KCNMA1: variants seen among roughly 807,000 people sequenced by gnomAD.
KCNMA1 encodes the protein potassium calcium-activated channel subfamily M alpha 1.
In KCNMA1, 29 loss-of-function variants were observed where a neutral mutation model predicts 140.0. The observed-to-expected ratio is 0.21, with a 90% confidence interval of 0.15 to 0.28. The LOEUF is 0.28. Among genes scored for constraint, KCNMA1 ranks in the 10% least tolerant of loss-of-function variants. The probability of loss-of-function intolerance (pLI) is 1.00; values close to 1 mark genes in which losing one functional copy is unlikely to be tolerated. For synonymous variants in KCNMA1, 612 were observed against 611.9 expected (o/e 1.00, Z 0.00); for missense variants, 880 against 1,602.2 (o/e 0.55, Z 7.70).
At chr10:76,948,976 G>A in intron 22 of KCNMA1, 166 bp downstream of exon 22, 1 of 725,592 alleles carries the variant, frequency 1.4e-6, no homozygotes, top group Non-Finnish European at 2.5e-6. Context: ...GTCTCCCAGG[G>A]TTTGGATTTT....
chr10:77,111,514 G>A (rs2097323447), intron 7 of KCNMA1, among the ~76,000 whole-genome samples: 1 of 152,184 alleles, frequency 6.6e-6, no homozygotes, highest in Non-Finnish European at 1.5e-5. Flanking sequence ...GGGTGATTAA[G>A]GTTGATTTTG....
In KCNMA1 at chr10:77,123,966, G is replaced by C. The variant is rs75166657; in HGVS notation, c.809-2918C>G. Among the ~76,000 whole-genome samples the C allele has an allele frequency of 8.2e-3, 1,247 of 152,296 alleles. 21 individuals carry two copies. Among genetic ancestry groups the C allele is most frequent in the African/African-American group, 0.029 (1,193 of 41,550 alleles). ...GGACAAAGGGAGGATTCTTGTCCCA[G>C]ATGGAACCAAGCAGGACAGCATGCA... On this transcript the variant is annotated intron_variant, in intron 5 of 27. Coordinates refer to ENST00000286628, the MANE Select transcript of KCNMA1 (RefSeq NM_001161352.2).
At chr10:77,095,923 G>C (rs1447193415) in intron 9 of KCNMA1, among the ~76,000 whole-genome samples, 1 of 152,074 alleles carries the variant, frequency 6.6e-6, no homozygotes, top group African/African-American at 2.4e-5. Flanking sequence ...TGACTTTTAG[G>C]TCTATGACAA....
intron 5 of KCNMA1, among the ~76,000 whole-genome samples, chr10:77,133,772 A>G (rs1265455783): frequency 6.6e-6 from 1 of 152,156 alleles, no homozygotes; most frequent in African/African-American, 2.4e-5. Context: ...AAAGACACAC[A>G]CATATATTAG....
chr10:77,059,853 C>T (rs2095672249), intron 14 of KCNMA1, among the ~76,000 whole-genome samples: 1 of 152,108 alleles, frequency 6.6e-6, no homozygotes, highest in Non-Finnish European at 1.5e-5. Flanking sequence ...GCAAGAAGTG[C>T]TAGCCGGTAC....
intron 2 of KCNMA1, among the ~76,000 whole-genome samples, chr10:77,362,804 G>A (rs550136994): frequency 2.6e-5 from 4 of 152,254 alleles, no homozygotes; most frequent in East Asian, 1.9e-4. Flanking sequence ...ATCTCTTCAC[G>A]GACCGCTTGC....
At chr10:77,305,900 G>A (rs556305959) in intron 2 of KCNMA1, among the ~76,000 whole-genome samples, 1 of 152,214 alleles carries the variant, frequency 6.6e-6, no homozygotes, top group Non-Finnish European at 1.5e-5. Flanking sequence ...TGACATCATG[G>A]GGATTCATAT....
intron 23 of KCNMA1, among the ~76,000 whole-genome samples, chr10:76,921,928 T>C (rs1247794314): frequency 2.0e-5 from 3 of 152,098 alleles, no homozygotes; most frequent in African/African-American, 2.4e-5. Flanking sequence ...CTGACCATGT[T>C]TACTCAATAA....
At chr10:77,148,697 A>G (rs1473623974) in intron 5 of KCNMA1, among the ~76,000 whole-genome samples, 1 of 152,200 alleles carries the variant, frequency 6.6e-6, no homozygotes, top group Non-Finnish European at 1.5e-5. Context: ...CACAATCTCT[A>G]TTGCAAGTGC....
At chr10:77,215,885 T>TCTCTCTC (rs536760736) in intron 3 of KCNMA1, among the ~76,000 whole-genome samples, 10 of 149,434 alleles carry the variant, frequency 6.7e-5, no homozygotes, top group East Asian at 4.0e-4. Context: ...CCTGTCTCTC[T>TCTCTCTC]CTCTCTCCTC....
Position 76,910,050 on chromosome 10 carries a change from G to A in KCNMA1, c.3063C>T (p.Asp1021=). 6.2e-7 allele frequency: 1 copy of A among 1,614,008 alleles called. No individual in the cohort carries two copies. The highest frequency in any genetic ancestry group is 8.5e-7 in the Non-Finnish European group (1 of 1,179,934). The change falls in exon 25 of 28, where the codon GAC becomes GAT. Residue 1021 remains aspartate, a synonymous_variant. Transcript: ENST00000286628. The part of the protein sequence containing the change: ...VQFLDQDDDD[D]PDTELYLTQP... The stretch of plus-strand genomic sequence containing the variant: ...GCGTGAGGTACAGTTCTGTATCAGG[G>A]TCATCATCATCGTCTTGGTCCAAAA...
At chr10:77,016,374 G>A (rs1282349867) in intron 17 of KCNMA1, among the ~76,000 whole-genome samples, 1 of 152,058 alleles carries the variant, frequency 6.6e-6, no homozygotes, top group East Asian at 1.9e-4. Context: ...CGAGAGTTGG[G>A]ACTTCTCCCC....
At chr10:76,963,492 C>G (rs2072552034) in intron 20 of KCNMA1, among the ~76,000 whole-genome samples, 1 of 152,106 alleles carries the variant, frequency 6.6e-6, no homozygotes, top group Non-Finnish European at 1.5e-5. Context: ...TAGCAATTGT[C>G]AACAACACAC....
intron 5 of KCNMA1, among the ~76,000 whole-genome samples, chr10:77,121,687 A>G (rs995830578): frequency 1.3e-5 from 2 of 152,230 alleles, no homozygotes; most frequent in Non-Finnish European, 2.9e-5. Flanking sequence ...TTTCTAAATC[A>G]ACAACCTCTC....
intron 14 of KCNMA1, among the ~76,000 whole-genome samples, chr10:77,050,402 T>C (rs1440223891): frequency 2.0e-5 from 3 of 151,534 alleles, no homozygotes; most frequent in Non-Finnish European, 4.4e-5. Flanking sequence ...AACTAGAGAG[T>C]TGCCTGTGCC....
chr10:77,378,940 T>C (rs1459685916), intron 2 of KCNMA1, among the ~76,000 whole-genome samples: 3 of 152,194 alleles, frequency 2.0e-5, no homozygotes, highest in African/African-American at 4.8e-5. Context: ...CAAATTAAAA[T>C]CCTCATTCCA....
At chr10:77,253,775 G>A (rs892767037) in intron 2 of KCNMA1, among the ~76,000 whole-genome samples, 3 of 152,192 alleles carry the variant, frequency 2.0e-5, no homozygotes, top group Non-Finnish European at 4.4e-5. Context: ...ACTGCCCCAT[G>A]ATGTACGATG....
chr10:77,214,304 T>C (rs2047027871), intron 3 of KCNMA1, among the ~76,000 whole-genome samples: 1 of 152,176 alleles, frequency 6.6e-6, no homozygotes, highest in Non-Finnish European at 1.5e-5. Context: ...TCAGGCTCAG[T>C]GGATGGCCTC....
intron 1 of KCNMA1, among the ~76,000 whole-genome samples, chr10:77,543,863 C>A (rs2060770126): frequency 6.6e-6 from 1 of 152,032 alleles, no homozygotes; most frequent in Non-Finnish European, 1.5e-5. Context: ...ATTTTTTCAT[C>A]ATTTATAACA....
Sources: gnomAD v4.1 joint callset for allele counts (sites outside exome capture counted in the v4.1 genomes callset) on GRCh38, gnomAD v4.1.1 for gene constraint, MANE v1.5 for transcripts, NCBI Gene and HGNC (gene_info 2026-07-23, HGNC 2026-07-21) for gene names.